Variants in KLF12 observed in about 807,000 individuals in gnomAD.
KLF12 encodes KLF transcription factor 12.
A neutral mutation model predicts 37.8 loss-of-function variants in KLF12; 9 were observed. The ratio of observed to expected loss-of-function variants is 0.24; its 90% CI spans 0.14 to 0.42. The LOEUF (loss-of-function observed/expected upper bound fraction) is 0.42. Among genes scored for constraint, KLF12 ranks in the 10% least tolerant of loss-of-function variants. KLF12 has a pLI of 1.00. For missense variants in KLF12, 411 were observed against 516.0 expected, an observed-to-expected ratio of 0.80 and a Z score of 1.97; for synonymous variants, 208 against 202.1, an observed-to-expected ratio of 1.03 and a Z score of -0.25.
chr13:74,225,578 A>G, the KLF12 span, among the ~76,000 whole-genome samples: 20 of 152,276 alleles, frequency 1.3e-4, no homozygotes, highest in African/African-American at 4.6e-4. Flanking sequence ...TATTGAACAC[A>G]TGCCATTTAC....
At chr13:73,871,491 A>C (rs2138875982) in intron 3 of KLF12, among the ~76,000 whole-genome samples, 1 of 152,328 alleles carries the variant, frequency 6.6e-6, no homozygotes, top group South Asian at 2.1e-4. Flanking sequence ...AGCGGGGAGA[A>C]AATGCAGGAT....
chr13:74,295,852 C>T, the KLF12 span, among the ~76,000 whole-genome samples: 1 of 152,126 alleles, frequency 6.6e-6, no homozygotes, highest in Non-Finnish European at 1.5e-5. Context: ...CTCACTATGT[C>T]GCCCAGGCTG....
At chr13:73,830,055 C>A (rs947196256) in intron 4 of KLF12, among the ~76,000 whole-genome samples, 1 of 152,070 alleles carries the variant, frequency 6.6e-6, no homozygotes, top group Admixed American at 6.5e-5. Context: ...CCAAGACAGG[C>A]AAGAAATGTG....
chr13:73,972,660 A>C (rs953954165), intron 2 of KLF12, among the ~76,000 whole-genome samples: 1 of 149,012 alleles, frequency 6.7e-6, no homozygotes, highest in Non-Finnish European at 1.5e-5. Flanking sequence ...CTTCAAACAT[A>C]AATGAAACAA....
At chr13:73,965,061 A>G (rs954504050) in intron 2 of KLF12, among the ~76,000 whole-genome samples, 1 of 152,118 alleles carries the variant, frequency 6.6e-6, no homozygotes, top group African/African-American at 2.4e-5. Flanking sequence ...AGGGGTAGGG[A>G]TGCACATCTC....
chr13:74,234,719 A>AG, the KLF12 span, among the ~76,000 whole-genome samples: 1 of 151,744 alleles, frequency 6.6e-6, no homozygotes, highest in Non-Finnish European at 1.5e-5. Context: ...TACATTTTGT[A>AG]GGTTTTGCCA....
At chr13:74,147,430 T>C in the KLF12 span, among the ~76,000 whole-genome samples, 1 of 152,238 alleles carries the variant, frequency 6.6e-6, no homozygotes, top group Admixed American at 6.5e-5. Context: ...AAGAGGGTGC[T>C]GCAGTGGCTG....
chr13:74,022,430 A>G (rs989862195), intron 1 of KLF12, among the ~76,000 whole-genome samples: 2 of 141,632 alleles, frequency 1.4e-5, no homozygotes, highest in Non-Finnish European at 3.1e-5. Flanking sequence ...ATTATACACA[A>G]CTGAAACAGC....
intron 2 of KLF12, among the ~76,000 whole-genome samples, chr13:73,972,388 C>T (rs1195543733): frequency 6.6e-6 from 1 of 151,882 alleles, no homozygotes; most frequent in Non-Finnish European, 1.5e-5. Context: ...ATAAAATTAT[C>T]AATACAATTG....
chr13:73,793,068 T>C (rs951411528), intron 5 of KLF12, among the ~76,000 whole-genome samples: 1 of 152,156 alleles, frequency 6.6e-6, no homozygotes, highest in Non-Finnish European at 1.5e-5. Flanking sequence ...AAACAACTAG[T>C]ACAAAGTGAC....
At chr13:73,974,088 C>A (rs183929305) in intron 2 of KLF12, among the ~76,000 whole-genome samples, 1 of 151,918 alleles carries the variant, frequency 6.6e-6, no homozygotes, top group Non-Finnish European at 1.5e-5. Context: ...GACAAATATT[C>A]TTTTTTAATG....
At chr13:73,964,468 C>A (rs544613043) in intron 2 of KLF12, among the ~76,000 whole-genome samples, 3 of 152,200 alleles carry the variant, frequency 2.0e-5, no homozygotes, top group Admixed American at 2.0e-4. Flanking sequence ...TTCAGAAACA[C>A]TCTATAAGAA....
chr13:74,230,244 A>G, the KLF12 span, among the ~76,000 whole-genome samples: 5 of 152,068 alleles, frequency 3.3e-5, no homozygotes, highest in South Asian at 6.2e-4. Flanking sequence ...CTTGACTTTC[A>G]TTCTTCTCCT....
At chr13:73,835,241 T>A (rs1158428903) in intron 4 of KLF12, among the ~76,000 whole-genome samples, 1 of 151,974 alleles carries the variant, frequency 6.6e-6, no homozygotes, top group African/African-American at 2.4e-5. Context: ...TCCGGGGGCA[T>A]GGAAGAAAAA....
intron 6 of KLF12, among the ~76,000 whole-genome samples, chr13:73,716,782 TC>T (rs1361514704): frequency 6.6e-5 from 10 of 152,334 alleles, no homozygotes; most frequent in Non-Finnish European, 1.0e-4. Flanking sequence ...TTGAGATTCA[TC>T]CATGTCGATA....
At chr13:73,703,830 A>AT (rs1359449918) in intron 7 of KLF12, among the ~76,000 whole-genome samples, 1 of 152,172 alleles carries the variant, frequency 6.6e-6, no homozygotes, top group Non-Finnish European at 1.5e-5. Context: ...ATAAACCAGG[A>AT]TATCTGGTCA....
chr13:73,930,215 T>C (rs887259486), intron 3 of KLF12, among the ~76,000 whole-genome samples: 1 of 152,228 alleles, frequency 6.6e-6, no homozygotes, highest in Non-Finnish European at 1.5e-5. Context: ...TTGAATTTTT[T>C]CCCCACCATT....
intron 1 of KLF12, among the ~76,000 whole-genome samples, chr13:74,011,624 G>A (rs566952070): frequency 5.3e-5 from 8 of 152,240 alleles, no homozygotes; most frequent in African/African-American, 1.4e-4. Context: ...CGAATTTGCC[G>A]CAGACTAAGT....
At chr13:74,168,935 A>C in the KLF12 span, among the ~76,000 whole-genome samples, 1 of 152,326 alleles carries the variant, frequency 6.6e-6, no homozygotes, top group South Asian at 2.1e-4. Context: ...ATATTTGTGG[A>C]GTATTGTTGC....
Sources: gnomAD v4.1 joint callset for allele counts (sites outside exome capture counted in the v4.1 genomes callset) on GRCh38, gnomAD v4.1.1 for gene constraint, MANE v1.5 for transcripts, NCBI Gene and HGNC (gene_info 2026-07-23, HGNC 2026-07-21) for gene names.